The following TUBD1 variants were observed in gnomAD, a reference collection of about 807,000 sequenced individuals.
TUBD1 encodes tubulin delta 1, also known as tubulin delta chain.
TUBD1 carries 38 observed loss-of-function variants against 51.2 expected under a neutral mutation model. The observed-to-expected ratio is 0.74, with a 90% CI of 0.57 to 0.97. TUBD1 has a LOEUF of 0.97. Among genes scored for constraint, TUBD1 ranks in the 50% least tolerant of loss-of-function variants. The pLI, the probability that TUBD1 is intolerant of heterozygous loss-of-function variation, is 0.00. For missense variants in TUBD1, 489 were observed against 538.4 expected, an observed-to-expected ratio of 0.91 and a Z score of 0.91; for synonymous variants, 169 against 178.2, an observed-to-expected ratio of 0.95 and a Z score of 0.41.
chr17:59,885,973 A>C lies in TUBD1; in HGVS notation c.320+110T>G. The C allele has an allele frequency of 2.5e-6, 3 of 1,213,056 alleles. No individual in the cohort carries two copies. The East Asian group carries it at 7.2e-5, about 29-fold the overall frequency. 75.1% of individuals were successfully genotyped at this position (1,213,056 alleles called of 1,614,324 possible). ...AATAAAATTCTAAATCTAAAACAGC[A>C]ATTTCAAGATTATGTGCTTGGTATA... On this transcript the variant is annotated intron_variant, in intron 3 of 8. Coordinates refer to ENST00000325752, the MANE Select transcript of TUBD1 (RefSeq NM_016261.4).
At chr17:59,879,622 G>A (rs1377785196) in intron 4 of TUBD1, among the ~76,000 whole-genome samples, 1 of 152,014 alleles carries the variant, frequency 6.6e-6, no homozygotes, top group Non-Finnish European at 1.5e-5. Context: ...TTTTAGTAGA[G>A]AAGGGGTTTC....
intron 6 of TUBD1, among the ~76,000 whole-genome samples, chr17:59,868,600 G>T (rs147188657): frequency 6.6e-6 from 1 of 152,064 alleles, no homozygotes; most frequent in South Asian, 2.1e-4. Context: ...AGCACTTTGC[G>T]AGGCAGAGGG....
chr17:59,890,585 TAAG>T lies in TUBD1; in HGVS notation c.172+243_172+245del, dbSNP rs560963407. On this transcript the variant is annotated intron_variant, in intron 2 of 8. Transcript: ENST00000325752. The stretch of plus-strand genomic sequence containing the variant: ...GAATCTTAGATGAAAGGCAAAGAGA[TAAG>T]AAGAAGAAAGCCAGTCAATAGATGA... Among the ~76,000 whole-genome samples the T allele has an allele frequency of 2.6e-5, 4 of 152,168 alleles. 1 individual carries two copies. The East Asian group carries it at 7.7e-4, about 29-fold the overall frequency.
At chr17:59,874,747 A>G in intron 5 of TUBD1, 44 bp from the exon 6 acceptor site, 1 of 1,525,642 alleles carries the variant, frequency 6.6e-7, no homozygotes, top group Non-Finnish European at 9.0e-7. Flanking sequence ...TTTATTCTAC[A>G]TTGTTGCCAA....
chr17:59,885,125 C>T (rs1275334874), intron 3 of TUBD1: 4 of 347,878 alleles, frequency 1.1e-5, no homozygotes, highest in African/African-American at 8.6e-5. Context: ...ATGACATGCT[C>T]TCAGGGTCCT....
chr17:59,887,324 A>G (rs2040781764), intron 2 of TUBD1, among the ~76,000 whole-genome samples: 1 of 152,100 alleles, frequency 6.6e-6, no homozygotes, highest in African/African-American at 2.4e-5. Flanking sequence ...ATGAGCTGCA[A>G]TCACACCACT....
chr17:59,867,468 T>C (rs1021941483), intron 6 of TUBD1, among the ~76,000 whole-genome samples: 4 of 151,860 alleles, frequency 2.6e-5, no homozygotes, highest in Non-Finnish European at 5.9e-5. Context: ...AGCAGTTTGG[T>C]AGGCTGCGCT....
intron 3 of TUBD1, among the ~76,000 whole-genome samples, chr17:59,884,003 G>A (rs1477069363): frequency 6.6e-6 from 1 of 152,070 alleles, no homozygotes; most frequent in African/African-American, 2.4e-5. Flanking sequence ...GCTCATGCCT[G>A]TAATCCTAGC....
chr17:59,886,365 T>G (rs1434372583), intron 2 of TUBD1, 135 bp from the exon 3 acceptor site: 2 of 896,116 alleles, frequency 2.2e-6, no homozygotes, highest in African/African-American at 3.4e-5. Context: ...TAGAAAGATC[T>G]GTCGTACTGC....
chr17:59,886,049 C>T (rs1408664717), intron 3 of TUBD1, 34 bp downstream of exon 3: 1 of 1,611,122 alleles, frequency 6.2e-7, no homozygotes, highest in South Asian at 1.1e-5. Context: ...GTGTAGCTGT[C>T]ACTAAACTGA....
intron 7 of TUBD1, 145 bp downstream of exon 7, chr17:59,866,464 G>A: frequency 1.1e-6 from 1 of 898,024 alleles, no homozygotes; most frequent in South Asian, 1.7e-5. Context: ...CATACTAACT[G>A]ATGCCATGGT....
intron 2 of TUBD1, among the ~76,000 whole-genome samples, chr17:59,886,951 G>A (rs1228160919): frequency 3.9e-5 from 6 of 152,064 alleles, no homozygotes; most frequent in Admixed American, 1.3e-4. Flanking sequence ...TTGGGAGGCC[G>A]AGGCGGGCGG....
chr17:59,864,763 G>A (rs558762236), intron 7 of TUBD1, among the ~76,000 whole-genome samples: 1 of 152,216 alleles, frequency 6.6e-6, no homozygotes, highest in African/African-American at 2.4e-5. Context: ...CAAAGTGCTG[G>A]GATTACAGGT....
intron 3 of TUBD1, chr17:59,885,587 T>C (rs756811992): frequency 9.1e-7 from 1 of 1,093,308 alleles, no homozygotes; most frequent in Admixed American, 1.8e-5. Context: ...GCCCTCTAAC[T>C]AGGATTCCCT....
chr17:59,869,045 C>T (rs1216004465), intron 6 of TUBD1, among the ~76,000 whole-genome samples: 1 of 151,320 alleles, frequency 6.6e-6, no homozygotes, highest in Non-Finnish European at 1.5e-5. Context: ...AATCTTCCCA[C>T]AGAGCAAAGA....
intron 8 of TUBD1, among the ~76,000 whole-genome samples, chr17:59,862,706 ATTTTTGTATTTTTT>A (rs2039510638): frequency 8.4e-6 from 1 of 118,842 alleles, no homozygotes; most frequent in Non-Finnish European, 1.7e-5. Flanking sequence ...TGCCAAGCTA[ATTTTTGTATTTTTT>A]TTTTTTTTTT....
chr17:59,862,684 C>T (rs914922558), intron 8 of TUBD1, among the ~76,000 whole-genome samples: 15 of 148,316 alleles, frequency 1.0e-4, no homozygotes, highest in Non-Finnish European at 2.1e-4. Context: ...GGATTACAGG[C>T]ACCCACCACT....
intron 6 of TUBD1, among the ~76,000 whole-genome samples, chr17:59,871,458 A>G (rs901222288): frequency 2.0e-5 from 3 of 152,146 alleles, no homozygotes; most frequent in African/African-American, 7.2e-5. Context: ...TTGGCCTCCC[A>G]AAGTGCTGGG....
At chr17:59,886,322 CAA>C (rs113094238) in intron 2 of TUBD1, 92 bp from the exon 3 acceptor site, 12,717 of 843,512 alleles carry the variant, frequency 0.015, no homozygotes, top group South Asian at 0.022. Context: ...TGTCCAAATC[CAA>C]AAAAAAAAAA....
Sources: gnomAD v4.1 joint callset for allele counts (sites outside exome capture counted in the v4.1 genomes callset) on GRCh38, gnomAD v4.1.1 for gene constraint, MANE v1.5 for transcripts, NCBI Gene and HGNC (gene_info 2026-07-23, HGNC 2026-07-21) for gene names.